OPCML: variants seen among roughly 807,000 people sequenced by gnomAD.
OPCML encodes opioid binding protein/cell adhesion molecule like, also known as opioid-binding protein/cell adhesion molecule.
In OPCML, 13 loss-of-function variants were observed where a neutral mutation model predicts 37.8. The observed-to-expected ratio is 0.34, with a 90% CI of 0.22 to 0.55. OPCML has a LOEUF of 0.55. OPCML is among the 20% of genes least tolerant of loss of function. OPCML has a pLI of 0.91. For synonymous variants in OPCML, 176 were observed against 168.8 expected, an observed-to-expected ratio of 1.04 and a Z score of -0.33; for missense variants, 341 against 435.6, an observed-to-expected ratio of 0.78 and a Z score of 1.93.
rs137852691 is a variant in OPCML at position 132,657,203 on chromosome 11, G to A, written c.263C>T (p.Pro88Leu). ...TTGGATCATGATGCTGTACTGGGTT[G>A]GTGTATTGACCAGGATGATCACACG... The part of the protein sequence containing the change: ...DPRVIILVNT[P>L]TQYSIMIQNV... The change falls in exon 3 of 8, where the codon CCA becomes CTA. Residue 88 changes from proline to leucine, a missense_variant. Physicochemically the swap from Pro to Leu is moderately conservative, Grantham distance 98. Transcript: ENST00000524381. 1.9e-6 allele frequency: 3 copies of A among 1,614,208 alleles called. No individual in the cohort carries two copies. The highest frequency in any genetic ancestry group is 2.2e-5 in the South Asian group (2 of 91,086).
chr11:133,164,505 G>C (rs1450191474), intron 1 of OPCML, among the ~76,000 whole-genome samples: 2 of 152,202 alleles, frequency 1.3e-5, no homozygotes, highest in Non-Finnish European at 2.9e-5. Context: ...AGAGCTTCGA[G>C]TCAGAATGAT....
At chr11:132,697,857 C>T (rs1009470347) in intron 2 of OPCML, among the ~76,000 whole-genome samples, 11 of 151,994 alleles carry the variant, frequency 7.2e-5, no homozygotes, top group Admixed American at 2.0e-4. Context: ...CCTTGTCCTC[C>T]GGGGCTCAAG....
At chr11:133,372,730 C>G (rs149967593) in intron 1 of OPCML, among the ~76,000 whole-genome samples, 278 of 152,312 alleles carry the variant, frequency 1.8e-3, no homozygotes, top group Non-Finnish European at 3.5e-3. Context: ...CCAAGACTCA[C>G]TGAGTTCCCT....
At chr11:132,466,210 G>A (rs1354455404) in intron 4 of OPCML, among the ~76,000 whole-genome samples, 1 of 151,982 alleles carries the variant, frequency 6.6e-6, no homozygotes, top group Non-Finnish European at 1.5e-5. Flanking sequence ...TTTAGGCCGC[G>A]CACGGTGGCT....
chr11:133,334,844 T>G (rs190275367), intron 1 of OPCML, among the ~76,000 whole-genome samples: 1 of 152,244 alleles, frequency 6.6e-6, no homozygotes, highest in Non-Finnish European at 1.5e-5. Context: ...GTAGAGGCCA[T>G]TGGCCAGTCT....
chr11:133,129,290 AAGGC>A (rs1949567737), intron 1 of OPCML, among the ~76,000 whole-genome samples: 1 of 152,148 alleles, frequency 6.6e-6, no homozygotes, highest in Non-Finnish European at 1.5e-5. Flanking sequence ...GGAACTACCC[AAGGC>A]AGGGGAGAGG....
At chr11:132,823,400 G>A (rs1357619570) in intron 2 of OPCML, among the ~76,000 whole-genome samples, 1 of 152,080 alleles carries the variant, frequency 6.6e-6, no homozygotes, top group Non-Finnish European at 1.5e-5. Context: ...AAAAGTTGAT[G>A]TCTCTCAACC....
chr11:132,882,137 G>T (rs2136431931), intron 2 of OPCML, among the ~76,000 whole-genome samples: 1 of 152,174 alleles, frequency 6.6e-6, no homozygotes, highest in African/African-American at 2.4e-5. Flanking sequence ...GGGAGGGTAA[G>T]AAAAAGAAAC....
Position 133,208,943 on chromosome 11 carries a change from A to T in OPCML, c.62-265933T>A, listed in dbSNP as rs1176578025. On this transcript the variant is annotated intron_variant, in intron 1 of 7. Transcript: ENST00000524381. This position sits in a 1 kb window ranked among gnomAD's most constrained non-coding sequence, Gnocchi z 8.9. ...CCCACTCTTGGGAGAAGACATACTTACATGGAAACAACAATAATAAAAAAA... is the reference window on the plus strand; with the variant it reads ...CCCACTCTTGGGAGAAGACATACTTTCATGGAAACAACAATAATAAAAAAA... 1.3e-5 allele frequency among the ~76,000 whole-genome samples: 2 copies of T among 152,218 alleles called. No individual in the cohort carries two copies. Among genetic ancestry groups the T allele is most frequent in the African/African-American group, 4.8e-5 (2 of 41,454 alleles).
chr11:133,275,867 C>T (rs1411985687), intron 1 of OPCML, among the ~76,000 whole-genome samples: 2 of 152,194 alleles, frequency 1.3e-5, no homozygotes, highest in Non-Finnish European at 2.9e-5. Context: ...CATTACACCA[C>T]TCAAACTCTT....
intron 1 of OPCML, among the ~76,000 whole-genome samples, chr11:133,016,635 T>C (rs1273761216): frequency 1.3e-5 from 2 of 152,194 alleles, no homozygotes; most frequent in African/African-American, 4.8e-5. Flanking sequence ...TATTCACAGG[T>C]ACCTGGAGTT....
At chr11:133,460,124 A>G (rs910670210) in intron 1 of OPCML, among the ~76,000 whole-genome samples, 5 of 151,990 alleles carry the variant, frequency 3.3e-5, no homozygotes, top group Admixed American at 6.6e-5. Context: ...AACAACCAAA[A>G]AAGAAATCAC....
At chr11:132,566,859 G>A (rs1380087956) in intron 3 of OPCML, among the ~76,000 whole-genome samples, 2 of 152,146 alleles carry the variant, frequency 1.3e-5, no homozygotes, top group African/African-American at 2.4e-5. Context: ...AACTGGGATA[G>A]TGATGAAGGA....
chr11:132,969,117 C>T (rs1444254267), intron 1 of OPCML, among the ~76,000 whole-genome samples: 2 of 151,722 alleles, frequency 1.3e-5, no homozygotes, highest in African/African-American at 2.4e-5. Flanking sequence ...CCCACCCTTC[C>T]CCCTGAGTCT....
chr11:133,213,596 G>C (rs140465039), intron 1 of OPCML, among the ~76,000 whole-genome samples: 1 of 152,268 alleles, frequency 6.6e-6, no homozygotes, highest in East Asian at 1.9e-4. Context: ...CATAGCTCCT[G>C]TCCTTGTATT....
chr11:133,330,905 C>T (rs1592208244), intron 1 of OPCML, among the ~76,000 whole-genome samples: 1 of 152,194 alleles, frequency 6.6e-6, no homozygotes, highest in Admixed American at 6.5e-5. Context: ...TATTTTCCTC[C>T]TTTGTTGTAT....
intron 1 of OPCML, among the ~76,000 whole-genome samples, chr11:133,276,118 T>C (rs1032783958): frequency 6.6e-6 from 1 of 152,076 alleles, no homozygotes; most frequent in African/African-American, 2.4e-5. Flanking sequence ...ATACAAACCA[T>C]GGAAAATATG....
At chr11:132,907,593 T>C (rs138078781) in intron 2 of OPCML, among the ~76,000 whole-genome samples, 16,238 of 149,056 alleles carry the variant, frequency 0.11, 1,196 homozygotes, top group African/African-American at 0.2. Context: ...ATCACGCCAC[T>C]GCACTCCAGC....
chr11:132,642,348 GACA>G (rs1303286251), intron 3 of OPCML, among the ~76,000 whole-genome samples: 3 of 152,010 alleles, frequency 2.0e-5, no homozygotes, highest in South Asian at 2.1e-4. Flanking sequence ...ATAAAATTAT[GACA>G]ACAATATCAA....
Sources: gnomAD v4.1 joint callset for allele counts (sites outside exome capture counted in the v4.1 genomes callset) on GRCh38, gnomAD v4.1.1 for gene constraint, Gnocchi (gnomAD v3.1) non-coding constraint, MANE v1.5 for transcripts, NCBI Gene and HGNC (gene_info 2026-07-23, HGNC 2026-07-21) for gene names.